Variants in COL6A1 observed in about 807,000 individuals in gnomAD.
COL6A1 encodes collagen alpha-1(VI) chain.
COL6A1 carries 80 observed loss-of-function variants against 145.6 expected under a neutral mutation model. That is an observed-to-expected ratio of 0.55 (90% CI 0.46 to 0.66). The LOEUF is 0.66. Ranked by LOEUF, COL6A1 falls within the 30% of genes least tolerant of loss-of-function variation. The pLI, the probability that COL6A1 is intolerant of heterozygous loss-of-function variation, is 0.00. For synonymous variants in COL6A1, 638 were observed against 622.8 expected, an observed-to-expected ratio of 1.02 and a Z score of -0.36; for missense variants, 1,364 against 1,473.8, an observed-to-expected ratio of 0.93 and a Z score of 1.22.
chr21:45,993,087 GTTC>G (rs1394325248), intron 19 of COL6A1, among the ~76,000 whole-genome samples: 1 of 152,270 alleles, frequency 6.6e-6, no homozygotes. Context: ...CCGAGCTTGG[GTTC>G]TTCTTTGGAA....
rs941672454 is a variant in COL6A1 at position 45,982,882 on chromosome 21, C to T, written c.227+119C>T. ...ACCTCCTAAGGTTGGGCGAGCGTTG[C>T]CCTGACCGGGGCCCCTCCCGGCGCC... is the stretch of plus-strand genomic sequence containing the variant. On this transcript the variant is annotated intron_variant, in intron 2 of 34. Coordinates refer to ENST00000361866, the MANE Select transcript of COL6A1 (RefSeq NM_001848.3). 2.7e-6 allele frequency: 4 copies of T among 1,455,518 alleles called. No homozygotes were observed. The African/African-American group carries it at 4.4e-5, about 16-fold the overall frequency. The allele number at this position is 1,455,518 out of a possible 1,614,324, so 90.2% of individuals were successfully genotyped here.
At chr21:45,983,791 T>C (rs2077721958) in intron 2 of COL6A1, among the ~76,000 whole-genome samples, 1 of 123,448 alleles carries the variant, frequency 8.1e-6, no homozygotes, top group Non-Finnish European at 1.6e-5. Flanking sequence ...GGCGGAGTCA[T>C]CCCCATGTCG....
chr21:45,998,915 G>C lies in COL6A1; in HGVS notation c.1630G>C (p.Gly544Arg). The C allele has an allele frequency of 6.4e-7, 1 of 1,555,990 alleles. No homozygotes were observed. Among genetic ancestry groups the C allele is most frequent in the South Asian group, 1.2e-5 (1 of 84,460 alleles). ...PGINGTKGYPGLKGDEGEAGD... is the reference protein window; with the variant it reads ...PGINGTKGYPRLKGDEGEAGD... ...ACTGCAGGGCACGAAGGGCTACCCC[G>C]GCCTCAAGGGGGACGAGGGAGAAGC... is the stretch of plus-strand genomic sequence containing the variant. Residue 544 changes from glycine (G) to arginine (R), a missense_variant, in exon 25 of 35, where the codon GGC (glycine) becomes CGC (arginine). Gly to Arg is a moderately radical substitution (Grantham distance 125, BLOSUM62 -2). Around this residue, in one of 3 missense-constraint regions of COL6A1, gnomAD observed 938 missense variants for 1,003.8 expected, o/e 0.93. Transcript: ENST00000361866.
chr21:45,993,528 A>G (rs2077788321), intron 19 of COL6A1, among the ~76,000 whole-genome samples: 1 of 152,204 alleles, frequency 6.6e-6, no homozygotes, highest in Non-Finnish European at 1.5e-5. Context: ...TTGTCCGAGA[A>G]TCAAGACATG....
chr21:45,997,793 G>A lies in COL6A1; in HGVS notation c.1524+31G>A, dbSNP rs542493595. 1.5e-4 allele frequency: 237 copies of A among 1,560,768 alleles called. 3 individuals are homozygous for A. In the South Asian group the frequency reaches 2.2e-3, roughly 14 times the overall value. The stretch of plus-strand genomic sequence containing the variant: ...TGTCCAACAGCTCGGGCCCTAGGGC[G>A]GAGGCCTGGCCGCCAGAGGCCCTGG... On this transcript the variant is annotated intron_variant, in intron 22 of 34. Coordinates refer to ENST00000361866, the MANE Select transcript of COL6A1 (RefSeq NM_001848.3).
chr21:45,998,092 G>A lies in COL6A1; in HGVS notation c.1525-29G>A, dbSNP rs755431778. On this transcript the variant is annotated intron_variant, in intron 22 of 34. Coordinates refer to ENST00000361866, the MANE Select transcript of COL6A1 (RefSeq NM_001848.3). ...TGGGTATCCCAGGCCAGGCCGATTC[G>A]CACGGTGACGGCTACTCTGCTCCCC... is the stretch of plus-strand genomic sequence containing the variant. 37 of 1,610,756 alleles carry A rather than the reference G, an allele frequency of 2.3e-5. 1 individual carries two copies. In the East Asian group the frequency reaches 3.4e-4, roughly 15 times the overall value.
chr21:45,988,901 G>A (rs190269092), intron 8 of COL6A1, among the ~76,000 whole-genome samples, 183 bp from the exon 9 acceptor site: 1 of 152,144 alleles, frequency 6.6e-6, no homozygotes, highest in African/African-American at 2.4e-5. Context: ...GGCAGGGAGT[G>A]GGGGGAGCTG....
Position 45,999,153 on chromosome 21 carries a change from A to G in COL6A1, c.1675A>G (p.Asn559Asp). The G allele has an allele frequency of 6.3e-7, 1 of 1,598,376 alleles. No individual in the cohort carries two copies. The highest frequency in any genetic ancestry group is 8.5e-7 in the Non-Finnish European group (1 of 1,173,390). ...TTGACACAACGCTGTTCCCTTCTAG[A>G]ACAACGACATTGCACCCCGAGGAGT... Reference protein sequence around the residue: ...EGEAGDPGDDNNDIAPRGVKG... With the variant: ...EGEAGDPGDDDNDIAPRGVKG... The change falls in exon 26 of 35, where the codon AAC (asparagine) becomes GAC (aspartate). Residue 559 changes from asparagine (N) to aspartate (D), a missense_variant and splice_region_variant. This residue lies in a region of COL6A1 where 938 missense variants were observed against 1,003.8 expected (regional missense o/e 0.93). Coordinates refer to ENST00000361866, the MANE Select transcript of COL6A1 (RefSeq NM_001848.3).
At chr21:45,997,615 C>T (rs1569518671) in intron 21 of COL6A1, 85 bp from the exon 22 acceptor site, 1 of 1,543,626 alleles carries the variant, frequency 6.5e-7, no homozygotes, top group South Asian at 1.2e-5. Context: ...CCCGATGGGA[C>T]CTCTCCCGGC....
chr21:46,004,343 G>T lies in COL6A1; in HGVS notation c.*330G>T. The T allele has an allele frequency of 2.3e-6, 1 of 436,240 alleles. No individual in the cohort carries two copies. The highest frequency in any genetic ancestry group is 4.5e-5 in the East Asian group (1 of 22,368). The allele number at this position is 436,240 out of a possible 1,614,324, so 27.0% of individuals were successfully genotyped here. On this transcript the variant is annotated 3_prime_UTR_variant, in exon 35 of 35. Coordinates refer to ENST00000361866, the MANE Select transcript of COL6A1 (RefSeq NM_001848.3). ...CTCAGCCCTGAGCTGGCCTCACCTG[G>T]GTTCCCCACCCCGGGCTCTCCTGCC...
In COL6A1 at chr21:46,002,251, C is replaced by T; in HGVS notation, c.2100C>T (p.Gly700=). The T allele has an allele frequency of 6.2e-7, 1 of 1,602,434 alleles. No individual in the cohort carries two copies. The part of the protein sequence containing the change: ...AIKSLQWMAG[G]TFTGEALQYT... ...AGAGCCTGCAGTGGATGGCGGGCGG[C>T]ACCTTCACGGGGGAGGCCCTGCAGT... Residue 700 remains glycine (G), a synonymous_variant, in exon 32 of 35, where the codon GGC becomes GGT. Coordinates refer to ENST00000361866, the MANE Select transcript of COL6A1 (RefSeq NM_001848.3).
At chr21:46,001,414 C>T (rs370329771) in intron 30 of COL6A1, 28 bp downstream of exon 30, 1 of 1,605,538 alleles carries the variant, frequency 6.2e-7, no homozygotes, top group African/African-American at 1.3e-5. Flanking sequence ...CCGGCTTTCT[C>T]AAGCCCAGGT....
intron 20 of COL6A1, among the ~76,000 whole-genome samples, chr21:45,995,055 G>A (rs894915775): frequency 2.0e-5 from 3 of 152,262 alleles, no homozygotes; most frequent in African/African-American, 7.2e-5. Context: ...GATGGGAGAG[G>A]CCGTCCCAGT....
At chr21:45,999,728 C>T in intron 27 of COL6A1, 36 bp downstream of exon 27, 2 of 1,603,616 alleles carry the variant, frequency 1.2e-6, no homozygotes, top group Non-Finnish European at 1.7e-6. Flanking sequence ...TGGGGGCGAC[C>T]ACTGTAGCTT....
rs398123632 is a variant in COL6A1, at chr21:45,997,743, C to T, written c.1505C>T (p.Pro502Leu). ...GGACCTGCCGGACCCCCTGGAGACC[C>T]GGGGCTGATGGGTGAAAGGGTGAGT... The part of the protein sequence containing the change: ...APGPAGPPGD[P>L]GLMGERGEDG... The change falls in exon 22 of 35, where the codon CCG becomes CTG. Residue 502 changes from proline to leucine, a missense_variant. By Grantham distance (98) the Pro-to-Leu change is moderately conservative (BLOSUM62 -3). Coordinates refer to ENST00000361866, the MANE Select transcript of COL6A1 (RefSeq NM_001848.3). The T allele has an allele frequency of 1.3e-5, 20 of 1,595,054 alleles. No homozygotes were observed. The highest frequency in any genetic ancestry group is 6.8e-5 in the East Asian group (3 of 43,988).
Position 46,003,482 on chromosome 21 carries a change from C to T in COL6A1, c.2556C>T (p.Ala852=). Reference sequence around the variant, plus strand: ...ACTTTGACACCACCAAGCGCTTCGCCAAGCGCCTGGCCGAGCGCTTCCTCA... The same window carrying T: ...ACTTTGACACCACCAAGCGCTTCGCTAAGCGCCTGGCCGAGCGCTTCCTCA... ...SHNFDTTKRF[A]KRLAERFLTA... Residue 852 remains alanine (A), a synonymous_variant, in exon 35 of 35, where the codon GCC becomes GCT. Coordinates refer to ENST00000361866, the MANE Select transcript of COL6A1 (RefSeq NM_001848.3). 6.2e-7 allele frequency: 1 copy of T among 1,609,994 alleles called. No homozygotes were observed. Among genetic ancestry groups the T allele is most frequent in the Non-Finnish European group, 8.5e-7 (1 of 1,179,608 alleles).
Position 45,992,655 on chromosome 21 carries a change from G to C in COL6A1, c.1273-93G>C. ...GTGGCCCCTCCCAGGGGTCCTGCTG[G>C]GGGAGTCAGTCCAGGCCAGGCCTCA... On this transcript the variant is annotated intron_variant, in intron 18 of 34. Coordinates refer to ENST00000361866, the MANE Select transcript of COL6A1 (RefSeq NM_001848.3). The C allele has an allele frequency of 2.3e-6, 3 of 1,314,908 alleles. No homozygotes were observed. The Middle Eastern group carries it at 6.6e-4, about 287-fold the overall frequency. 81.5% of individuals were successfully genotyped at this position (1,314,908 alleles called of 1,614,324 possible). A position where few individuals can be genotyped will look rare whatever the true frequency, so the allele number is the denominator to read the frequency against.
rs8131227 is a variant in COL6A1, at chr21:45,999,890, C to T, written c.1776+198C>T. Among the ~76,000 whole-genome samples the T allele has an allele frequency of 0.93, 84,171 of 90,568 alleles. 38,946 individuals are homozygous for T. Among genetic ancestry groups the T allele is most frequent in the Admixed American group, 0.95 (7,809 of 8,234 alleles). 59.4% of individuals were successfully genotyped at this position (90,568 alleles called of 152,430 possible). ...AGGATCATAGGGGGATGTGTGAGGA[C>T]CATAGAGGGGACATGTGAGGATCAT... On this transcript the variant is annotated intron_variant, in intron 27 of 34. Coordinates refer to ENST00000361866, the MANE Select transcript of COL6A1 (RefSeq NM_001848.3).
intron 11 of COL6A1, 71 bp downstream of exon 11, chr21:45,989,849 G>A (rs906766819): frequency 1.4e-5 from 22 of 1,589,774 alleles, no homozygotes; most frequent in East Asian, 6.7e-5. Flanking sequence ...GGGTGTCCCC[G>A]GGGATGAGGA....
Sources: gnomAD v4.1 joint callset for allele counts (sites outside exome capture counted in the v4.1 genomes callset) on GRCh38, gnomAD v4.1.1 for gene constraint, gnomAD v4.1.1 regional missense constraint, MANE v1.5 for transcripts, NCBI Gene and HGNC (gene_info 2026-07-23, HGNC 2026-07-21) for gene names.